TTN: variants seen among roughly 807,000 people sequenced by gnomAD.
TTN encodes the protein connectin.
Under a neutral mutation model 3,223.0 loss-of-function variants are expected in TTN, and 1,525 were observed. The observed-to-expected ratio is 0.47, with a 90% CI of 0.45 to 0.49. The LOEUF is 0.49. TTN is among the 20% of genes least tolerant of loss of function. TTN has a pLI of 0.00. For synonymous variants in TTN, 14,094 were observed against 15,161.0 expected (o/e 0.93, Z 5.17); for missense variants, 40,786 against 43,424.0 (o/e 0.94, Z 5.40).
In TTN at chr2:178,774,329, T is replaced by C; in HGVS notation, c.6935A>G (p.Tyr2312Cys). The C allele has an allele frequency of 6.2e-7, 1 of 1,614,128 alleles. No homozygotes were observed. The highest frequency in any genetic ancestry group is 1.3e-5 in the African/African-American group (1 of 75,044). Reference protein sequence around the residue: ...NDVELKSNGKYTITSRRGRQN... With the variant: ...NDVELKSNGKCTITSRRGRQN... ...ACGTCCACGACGAGATGTAATTGTATATTTGCCATTGGATTTAAGCTCCAC... is the reference window on the plus strand; with the variant it reads ...ACGTCCACGACGAGATGTAATTGTACATTTGCCATTGGATTTAAGCTCCAC... The change falls in exon 30 of 363, where the codon TAT becomes TGT. Residue 2312 changes from tyrosine (Y) to cysteine (C), a missense_variant. Tyr to Cys is a radical substitution (Grantham distance 194). Coordinates refer to ENST00000589042, the MANE Select transcript of TTN (RefSeq NM_001267550.2).
intron 242 of TTN, 55 bp downstream of exon 242, chr2:178,624,410 G>T: frequency 1.9e-6 from 3 of 1,603,210 alleles, no homozygotes; most frequent in Admixed American, 3.4e-5. Flanking sequence ...TTGTTTTGTT[G>T]TTGTAGTTAT....
intron 146 of TTN, 48 bp from the exon 147 acceptor site, chr2:178,677,335 C>CATATACATATATATATATATATATATAT (rs71393434): frequency 2.8e-4 from 70 of 251,842 alleles, no homozygotes; most frequent in Admixed American, 2.5e-3. Context: ...TATACATGGT[C>CATATACATATATATATATATATATATAT]ATATATATAT....
rs1444500550 is a variant in TTN, at chr2:178,560,833, C to G, written c.85299G>C (p.Lys28433Asn). Residue 28433 changes from lysine (K) to asparagine (N), a missense_variant, in exon 326 of 363, where the codon AAG (lysine) becomes AAC (asparagine). By Grantham distance (94) the Lys-to-Asn change is moderately conservative. Transcript: ENST00000589042. ...RDTGQYVLTLKNVAGTRSVAV... is the reference protein window; with the variant it reads ...RDTGQYVLTLNNVAGTRSVAV... ...CCACAGACCGAGTGCCGGCAACATT[C>G]TTCAGTGTTAGTACATATTGCCCAG... The G allele has an allele frequency of 1.2e-6, 2 of 1,613,574 alleles. No individual in the cohort carries two copies. The highest frequency in any genetic ancestry group is 2.7e-5 in the African/African-American group (2 of 74,912).
chr2:178,618,118 G>A, intron 252 of TTN, 37 bp from the exon 253 acceptor site: 2 of 1,610,366 alleles, frequency 1.2e-6, no homozygotes, highest in Non-Finnish European at 1.7e-6. Context: ...TATGAGTTTG[G>A]GGTAACGATG....
chr2:178,746,433 C>A, intron 47 of TTN: 1 of 1,610,948 alleles, frequency 6.2e-7, no homozygotes, highest in East Asian at 2.2e-5. Context: ...TTCTCAAATT[C>A]TTTAACGTCT....
At chr2:178,718,651 A>C (rs1409218305) in intron 84 of TTN, 44 bp downstream of exon 84, 2 of 1,603,422 alleles carry the variant, frequency 1.2e-6, no homozygotes, top group Admixed American at 3.4e-5. Flanking sequence ...ATGAAGACTT[A>C]AGAGAAATTT....
At position 178,581,764 on chromosome 2, in the gene TTN, T is replaced by A; in HGVS notation, c.66504A>T (p.Thr22168=). The A allele has an allele frequency of 1.2e-6, 2 of 1,605,408 alleles. No homozygotes were observed. The highest frequency in any genetic ancestry group is 1.7e-6 in the Non-Finnish European group (2 of 1,175,328). Residue 22168 remains threonine (T), a synonymous_variant, in exon 316 of 363, where the codon ACA becomes ACT. Transcript: ENST00000589042. ...GPPAFPKVYD[T]TRSSVSLSWG... ...AAGATAGACTCACAGAGCTGCGAGTTGTATCATATACTTTAGGGAAAGCCG... is the reference window on the plus strand; with the variant it reads ...AAGATAGACTCACAGAGCTGCGAGTAGTATCATATACTTTAGGGAAAGCCG...
intron 209 of TTN, 53 bp from the exon 210 acceptor site, chr2:178,650,324 T>C: frequency 7.0e-7 from 1 of 1,426,224 alleles, no homozygotes; most frequent in Non-Finnish European, 9.6e-7. Context: ...TATTCTAAGA[T>C]GGACAAACAC....
chr2:178,651,294 G>A lies in TTN; in HGVS notation c.39574C>T (p.Pro13192Ser). Residue 13192 changes from proline to serine, a missense_variant, in exon 208 of 363, where the codon CCA becomes TCA. Transcript: ENST00000589042. ...KVPEVPKEVV[P>S]EKKVAVPKKP... The stretch of plus-strand genomic sequence containing the variant: ...TTGGGAACAGCTACTTTCTTTTCTG[G>A]AACAACTTCTTTTGGAACTTCAGGC... 1 of 1,612,888 alleles carries A rather than the reference G, an allele frequency of 6.2e-7. No individual in the cohort carries two copies. The highest frequency in any genetic ancestry group is 1.3e-5 in the African/African-American group (1 of 74,914).
At position 178,546,475 on chromosome 2, in the gene TTN, C is replaced by G; in HGVS notation, c.94856G>C (p.Arg31619Pro). ...YAPPKAELDARLHGDLVTIRA... is the reference protein window; with the variant it reads ...YAPPKAELDAPLHGDLVTIRA... ...GATGGTAACCAGATCACCGTGTAAT[C>G]GGGCATCCAGTTCGGCTTTGGGTGG... is the stretch of plus-strand genomic sequence containing the variant. Residue 31619 changes from arginine (R) to proline (P), a missense_variant, in exon 342 of 363, where the codon CGA (arginine) becomes CCA (proline). By Grantham distance (103) the Arg-to-Pro change is moderately radical. Transcript: ENST00000589042. 6.2e-7 allele frequency: 1 copy of G among 1,612,718 alleles called. No individual in the cohort carries two copies. Among genetic ancestry groups the G allele is most frequent in the Non-Finnish European group, 8.5e-7 (1 of 1,178,982 alleles).
At chr2:178,686,752 A>G (rs1013400346) in intron 127 of TTN, among the ~76,000 whole-genome samples, 2 of 152,184 alleles carry the variant, frequency 1.3e-5, no homozygotes, top group East Asian at 1.9e-4. Context: ...GGTTAAAAAC[A>G]TATCTGCTCC....
chr2:178,732,009 GGGGTCTGTGCCAT>G, intron 57 of TTN, 38 bp from the exon 58 acceptor site: 1 of 1,590,690 alleles, frequency 6.3e-7, no homozygotes, highest in South Asian at 1.2e-5. Flanking sequence ...TAAGGGAGGA[GGGGTCTGTGCCAT>G]GGGCCATAAC....
At chr2:178,630,664 T>C in intron 238 of TTN, 140 bp downstream of exon 238, 2 of 1,296,492 alleles carry the variant, frequency 1.5e-6, no homozygotes, top group Non-Finnish European at 2.1e-6. Context: ...TCATAGACCC[T>C]GACATCTCTC....
intron 47 of TTN, chr2:178,752,044 A>G (rs1574306414): frequency 8.9e-5 from 4 of 45,112 alleles, no homozygotes; most frequent in Non-Finnish European, 5.8e-5. Flanking sequence ...ATAATTCTGG[A>G]AAAAAAAAAA....
Position 178,601,494 on chromosome 2 carries a change from C to T in TTN, c.55503G>A (p.Lys18501=), listed in dbSNP as rs879239475. The change falls in exon 287 of 363, where the codon AAG becomes AAA. Residue 18501 remains lysine (K), a synonymous_variant. Transcript: ENST00000589042. The part of the protein sequence containing the change: ...ITRGSCRLSW[K]MPDDDGGDRI... ...TGTCTCCTCCATCGTCGTCTGGCAT[C>T]TTCCATGAAAGTCTGCAACTACCCC... 2 of 1,612,922 alleles carry T rather than the reference C, an allele frequency of 1.2e-6. No individual in the cohort carries two copies. The highest frequency in any genetic ancestry group is 2.7e-5 in the African/African-American group (2 of 74,854).
chr2:178,800,659 C>A lies in TTN; in HGVS notation c.319G>T (p.Val107Phe). 6.2e-7 allele frequency: 1 copy of A among 1,609,596 alleles called. No homozygotes were observed. Among genetic ancestry groups the A allele is most frequent in the Non-Finnish European group, 8.5e-7 (1 of 1,177,666 alleles). The stretch of plus-strand genomic sequence containing the variant: ...ACGGTCATGCTCTGCAGTCGTTGAA[C>A]GAAGTTGGGTGGTGCTGTCTCAGCT... ...VKAETAPPNFVQRLQSMTVRQ... is the reference protein window; with the variant it reads ...VKAETAPPNFFQRLQSMTVRQ... Residue 107 changes from valine (V) to phenylalanine (F), a missense_variant, in exon 4 of 363, where the codon GTT (valine) becomes TTT (phenylalanine). By Grantham distance (50) the Val-to-Phe change is conservative. Coordinates refer to ENST00000589042, the MANE Select transcript of TTN (RefSeq NM_001267550.2).
At position 178,539,496 on chromosome 2, in the gene TTN, C is replaced by T. The variant is rs1472412628; in HGVS notation, c.98569G>A (p.Val32857Ile). 6.2e-7 allele frequency: 1 copy of T among 1,613,784 alleles called. No individual in the cohort carries two copies. Among genetic ancestry groups the T allele is most frequent in the African/African-American group, 1.3e-5 (1 of 74,988 alleles). Residue 32857 changes from valine to isoleucine, a missense_variant, in exon 352 of 363, where the codon GTA becomes ATA. By Grantham distance (29) the Val-to-Ile change is conservative. Transcript: ENST00000589042. ...TCTACATTCTCTTTGAGGCCTTTTA[C>T]CACCAGAGATGTACCTCGGACTCTG... is the stretch of plus-strand genomic sequence containing the variant. ...DSRVRGTSLVVKGLKENVEYH... is the reference protein window; with the variant it reads ...DSRVRGTSLVIKGLKENVEYH...
chr2:178,752,233 C>T (rs1019746679), intron 47 of TTN, among the ~76,000 whole-genome samples: 3 of 151,948 alleles, frequency 2.0e-5, no homozygotes, highest in African/African-American at 4.8e-5. Flanking sequence ...ACACGAAAAT[C>T]GTTCGTTGTC....
chr2:178,795,118 T>C lies in TTN; in HGVS notation c.1049A>G (p.Tyr350Cys), dbSNP rs563369722. 6 of 1,614,152 alleles carry C rather than the reference T, an allele frequency of 3.7e-6. No individual in the cohort carries two copies. The South Asian group carries it at 4.4e-5, about 12-fold the overall frequency. The change falls in exon 7 of 363, where the codon TAC (tyrosine) becomes TGC (cysteine). Residue 350 changes from tyrosine (Y) to cysteine (C), a missense_variant. By Grantham distance (194) the Tyr-to-Cys change is radical. Transcript: ENST00000589042. ...EVPPPWKQEG[Y>C]VASSSEAEMR... Reference sequence around the variant, plus strand: ...CTCAGCCTCAGATGAGGAGGCCACGTAGCCCTCTTGCTTCCAAGGGGGAGG... The same window carrying C: ...CTCAGCCTCAGATGAGGAGGCCACGCAGCCCTCTTGCTTCCAAGGGGGAGG...
Sources: allele counts gnomAD v4.1 joint callset (sites outside exome capture counted in the v4.1 genomes callset), GRCh38; gene constraint gnomAD v4.1.1; transcripts MANE v1.5; gene names NCBI Gene and HGNC (gene_info 2026-07-23, HGNC 2026-07-21).